Variants in SEC16A observed in about 807,000 individuals in gnomAD.
SEC16A encodes SEC16 homolog A, endoplasmic reticulum export factor, also known as protein transport protein Sec16A.
Under a neutral mutation model 221.9 loss-of-function variants are expected in SEC16A, and 110 were observed. The observed-to-expected ratio is 0.50, with a 90% CI of 0.42 to 0.58. The LOEUF (loss-of-function observed/expected upper bound fraction) is 0.58, where lower values mean the gene tolerates loss of function less well. Among genes scored for constraint, SEC16A ranks in the 20% least tolerant of loss-of-function variants. SEC16A has a pLI of 0.00. For missense variants in SEC16A, 3,165 were observed against 3,097.8 expected, an observed-to-expected ratio of 1.02 and a Z score of -0.52; for synonymous variants, 1,393 against 1,257.7, an observed-to-expected ratio of 1.11 and a Z score of -2.28.
At position 136,447,732 on chromosome 9, in the gene SEC16A, T is replaced by G. The variant is rs566101807; in HGVS notation, c.6448-52A>C. 5.6e-5 allele frequency: 87 copies of G among 1,563,464 alleles called. No homozygotes were observed. The highest frequency in any genetic ancestry group is 4.1e-4 in the African/African-American group (30 of 73,736). On this transcript the variant is annotated intron_variant, in intron 25 of 31. Coordinates refer to ENST00000684901, the MANE Select transcript of SEC16A (RefSeq NM_014866.2). The surrounding 1 kb of genome is among the most constrained non-coding windows in gnomAD (Gnocchi z 5.5). ...ACCCACTGTGTGCACAGAAACCCAC[T>G]GGGATGGCACAGTCAGGAGGCTCCA...
In SEC16A at chr9:136,474,272, C is replaced by G. The variant is rs1233831098; in HGVS notation, c.3344G>C (p.Arg1115Pro). ...LVDAGQQLPPRPPQSSSVSLV... is the reference protein window; with the variant it reads ...LVDAGQQLPPPPPQSSSVSLV... ...AGACACGCTAGAGGACTGAGGAGGCCGAGGGGGCAGCTGCTGACCCGCGTC... is the reference window on the plus strand; with the variant it reads ...AGACACGCTAGAGGACTGAGGAGGCGGAGGGGGCAGCTGCTGACCCGCGTC... Residue 1115 changes from arginine to proline, a missense_variant, in exon 3 of 32, where the codon CGG (arginine) becomes CCG (proline). Physicochemically the swap from Arg to Pro is moderately radical, Grantham distance 103 (BLOSUM62 -2). This residue lies in a region of SEC16A where 2,030 missense variants were observed against 1,923.1 expected (regional missense o/e 1.06). Coordinates refer to ENST00000684901, the MANE Select transcript of SEC16A (RefSeq NM_014866.2). 5.0e-6 allele frequency: 8 copies of G among 1,607,118 alleles called. No homozygotes were observed. In the Admixed American group the frequency reaches 1.2e-4, roughly 24 times the overall value.
chr9:136,462,816 G>T, intron 12 of SEC16A, 71 bp downstream of exon 12: 10 of 1,541,478 alleles, frequency 6.5e-6, no homozygotes, highest in Non-Finnish European at 8.7e-6. Flanking sequence ...CTCCCTGAAG[G>T]CTGCAACCCC....
chr9:136,460,178 G>A, intron 13 of SEC16A, 55 bp from the exon 14 acceptor site: 2 of 1,456,136 alleles, frequency 1.4e-6, no homozygotes, highest in Non-Finnish European at 1.9e-6. Context: ...AAAGAAAAAA[G>A]CCGGCCGGAC....
chr9:136,451,993 T>C (rs1234643154), intron 22 of SEC16A, among the ~76,000 whole-genome samples: 4 of 152,140 alleles, frequency 2.6e-5, no homozygotes, highest in African/African-American at 7.2e-5. Context: ...CCATCCCTCC[T>C]GGTTAGGAGT....
chr9:136,470,393 G>A (rs865962958), intron 4 of SEC16A, among the ~76,000 whole-genome samples: 5 of 152,192 alleles, frequency 3.3e-5, no homozygotes, highest in African/African-American at 9.7e-5. Flanking sequence ...GAAGGAAAAC[G>A]GAACAGTGAG....
chr9:136,455,475 G>A (rs747526137), intron 20 of SEC16A, 126 bp downstream of exon 20: 1 of 890,932 alleles, frequency 1.1e-6, no homozygotes, highest in Non-Finnish European at 1.7e-6. Flanking sequence ...CCGAGGTGGT[G>A]TGAGACACTG....
At position 136,463,447 on chromosome 9, in the gene SEC16A, G is replaced by T; in HGVS notation, c.4647+16C>A. 6.2e-7 allele frequency: 1 copy of T among 1,610,612 alleles called. No individual in the cohort carries two copies. Among genetic ancestry groups the T allele is most frequent in the Non-Finnish European group, 8.5e-7 (1 of 1,177,896 alleles). On this transcript the variant is annotated intron_variant, in intron 11 of 31. Coordinates refer to ENST00000684901, the MANE Select transcript of SEC16A (RefSeq NM_014866.2). ...ACCAGCAAGAAGAAACACTCTAGAA[G>T]TAGAAAGAAACATACCCCATTTTGT...
intron 1 of SEC16A, among the ~76,000 whole-genome samples, chr9:136,480,893 A>AG (rs979245523): frequency 3.9e-5 from 6 of 151,916 alleles, no homozygotes; most frequent in Admixed American, 2.6e-4. Flanking sequence ...TCTCAAAAAA[A>AG]AAAAAATTAT....
intron 23 of SEC16A, chr9:136,448,594 G>A: frequency 5.6e-6 from 4 of 711,908 alleles, no homozygotes; most frequent in Non-Finnish European, 1.0e-5. Context: ...ACACCAGGAT[G>A]GAGGTGGGGA....
intron 18 of SEC16A, 24 bp from the exon 19 acceptor site, chr9:136,456,190 G>C (rs750297204): frequency 6.4e-7 from 1 of 1,573,014 alleles, no homozygotes; most frequent in South Asian, 1.1e-5. Flanking sequence ...AAAATCAAAG[G>C]CCCCTGTCAC....
At chr9:136,442,735 G>C (rs1836369751) in intron 31 of SEC16A, among the ~76,000 whole-genome samples, 2 of 152,202 alleles carry the variant, frequency 1.3e-5, no homozygotes, top group Non-Finnish European at 2.9e-5. Context: ...ACGGCCCTGG[G>C]GTCTCAGCAA....
At chr9:136,452,944 A>G (rs1588900550) in intron 22 of SEC16A, among the ~76,000 whole-genome samples, 1 of 148,114 alleles carries the variant, frequency 6.8e-6, no homozygotes, top group Non-Finnish European at 1.5e-5. Flanking sequence ...GGTGGCACAC[A>G]CCTGTAGTCC....
chr9:136,447,847 AT>A lies in SEC16A; in HGVS notation c.6447+5del, dbSNP rs1364547920. The A allele has an allele frequency of 1.2e-6, 2 of 1,608,202 alleles. No homozygotes were observed. The highest frequency in any genetic ancestry group is 1.1e-5 in the South Asian group (1 of 90,182). ...ACACCCAACAGGAACTAGAATGACAATTTACCTCCTCTTCTGGCTCATTTAA... is the reference window on the plus strand; with the variant it reads ...ACACCCAACAGGAACTAGAATGACAATTACCTCCTCTTCTGGCTCATTTAA... On this transcript the variant is annotated splice_donor_5th_base_variant and intron_variant, in intron 25 of 31. Transcript: ENST00000684901. The surrounding 1 kb of genome is among the most constrained non-coding windows in gnomAD (Gnocchi z 5.5).
rs768275822 is a variant in SEC16A, at chr9:136,443,859, C to G, written c.6969G>C (p.Gly2323=). The change falls in exon 31 of 32, where the codon GGG becomes GGC. Residue 2323 remains glycine (G), a synonymous_variant. Coordinates refer to ENST00000684901, the MANE Select transcript of SEC16A (RefSeq NM_014866.2). The part of the protein sequence containing the change: ...DLPAAGGPPS[G]AMPFYNPAQL... ...GAGCAGGGTTGTAGAAGGGCATGGCCCCGCTGGGAGGGCCCCCTGCAGCAG... is the reference window on the plus strand; with the variant it reads ...GAGCAGGGTTGTAGAAGGGCATGGCGCCGCTGGGAGGGCCCCCTGCAGCAG... 6.2e-7 allele frequency: 1 copy of G among 1,611,664 alleles called. No homozygotes were observed. The highest frequency in any genetic ancestry group is 8.5e-7 in the Non-Finnish European group (1 of 1,178,990).
chr9:136,461,185 G>A lies in SEC16A; in HGVS notation c.4983C>T (p.Val1661=). ...SKMDSRTHAR[V]MTRFANSLPI... ...CCACTGTGGGACTGTACCTGGTCAT[G>A]ACTCGGGCGTGTGTCCGGCTGTCCA... Residue 1661 remains valine (V), a synonymous_variant, in exon 13 of 32, where the codon GTC becomes GTT. Transcript: ENST00000684901. 3.7e-6 allele frequency: 6 copies of A among 1,604,650 alleles called. No individual in the cohort carries two copies. The highest frequency in any genetic ancestry group is 5.1e-6 in the Non-Finnish European group (6 of 1,175,688).
chr9:136,449,185 T>C (rs1837445986), intron 23 of SEC16A, among the ~76,000 whole-genome samples: 1 of 152,188 alleles, frequency 6.6e-6, no homozygotes, highest in Non-Finnish European at 1.5e-5. Context: ...CCCTCTGTGT[T>C]TCCCATGTGT....
Position 136,477,606 on chromosome 9 carries a change from G to T in SEC16A, c.10C>A (p.Pro4Thr), listed in dbSNP as rs1002649262. MQPPPQTVPSGMAG... is the reference protein window; with the variant it reads MQPTPQTVPSGMAG... ...ATGCCAGACGGGACCGTCTGGGGCGGTGGCTGCATGACTGAACCCTTGCAC... is the reference window on the plus strand; with the variant it reads ...ATGCCAGACGGGACCGTCTGGGGCGTTGGCTGCATGACTGAACCCTTGCAC... The change falls in exon 3 of 32, where the codon CCG becomes ACG. Residue 4 changes from proline (P) to threonine (T), a missense_variant. This residue lies in a region of SEC16A where 2,030 missense variants were observed against 1,923.1 expected (regional missense o/e 1.06). Coordinates refer to ENST00000684901, the MANE Select transcript of SEC16A (RefSeq NM_014866.2). 3.7e-6 allele frequency: 6 copies of T among 1,607,008 alleles called. No homozygotes were observed. The highest frequency in any genetic ancestry group is 4.2e-6 in the Non-Finnish European group (5 of 1,177,040).
intron 13 of SEC16A, among the ~76,000 whole-genome samples, chr9:136,460,496 A>T (rs919709676): frequency 1.3e-5 from 2 of 151,914 alleles, no homozygotes; most frequent in African/African-American, 2.4e-5. Context: ...TAAATTTTTT[A>T]AAAAATCAGC....
chr9:136,453,721 CAT>C (rs1799260488), intron 21 of SEC16A, among the ~76,000 whole-genome samples: 1 of 152,230 alleles, frequency 6.6e-6, no homozygotes, highest in African/African-American at 2.4e-5. Flanking sequence ...CATATACACA[CAT>C]GTAGACATAG....
Sources: allele counts gnomAD v4.1 joint callset (sites outside exome capture counted in the v4.1 genomes callset), GRCh38; gene constraint gnomAD v4.1.1; regional missense constraint gnomAD v4.1.1; non-coding constraint Gnocchi (gnomAD v3.1); transcripts MANE v1.5; gene names NCBI Gene and HGNC (gene_info 2026-07-23, HGNC 2026-07-21).